ZNF704: variants seen among roughly 807,000 people sequenced by gnomAD.
ZNF704 encodes the protein glucocorticoid induced gene 1.
ZNF704 carries 10 observed loss-of-function variants against 44.7 expected under a neutral mutation model. That is an observed-to-expected ratio of 0.22 (90% CI 0.14 to 0.38). ZNF704 has a LOEUF of 0.38. Among genes scored for constraint, ZNF704 ranks in the 10% least tolerant of loss-of-function variants. The pLI, the probability that ZNF704 is intolerant of heterozygous loss-of-function variation, is 1.00. For missense variants in ZNF704, 390 were observed against 545.5 expected (o/e 0.71, Z 2.84); for synonymous variants, 211 against 207.6 (o/e 1.02, Z -0.14).
chr8:80,771,704 A>C (rs552373910), intron 2 of ZNF704, among the ~76,000 whole-genome samples: 1 of 152,172 alleles, frequency 6.6e-6, no homozygotes, highest in Admixed American at 6.5e-5. Context: ...TCATTTTCTC[A>C]ACTTATTGCA....
intron 2 of ZNF704, among the ~76,000 whole-genome samples, chr8:80,711,271 C>G (rs1403803927): frequency 6.6e-6 from 1 of 152,100 alleles, no homozygotes; most frequent in Non-Finnish European, 1.5e-5. Flanking sequence ...GACAACAGTC[C>G]CAGTGGCAGT....
In ZNF704 at chr8:80,738,280, G is replaced by A. The variant is rs757095544; in HGVS notation, c.222-45173C>T. Among the ~76,000 whole-genome samples the A allele has an allele frequency of 2.6e-5, 4 of 152,060 alleles. No homozygotes were observed. The South Asian group carries it at 6.2e-4, about 24-fold the overall frequency. ...GTCTTCCTTGGAAGCCAGTCACTAC[G>A]TCTAGCCCATACTTAAGGTTCAGGG... On this transcript the variant is annotated intron_variant, in intron 2 of 8. Coordinates refer to ENST00000327835, the MANE Select transcript of ZNF704 (RefSeq NM_001033723.3).
rs188755778 is a variant in ZNF704, at chr8:80,667,082, C to A, written c.660-2000G>T. 5.3e-5 allele frequency among the ~76,000 whole-genome samples: 8 copies of A among 152,276 alleles called. No individual in the cohort carries two copies. In the East Asian group the frequency reaches 1.5e-3, roughly 29 times the overall value. ...TGGAGGAAGTGAGGGAGACACCATG[C>A]TGGCACCCGCAGTGAGAACACACCA... On this transcript the variant is annotated intron_variant, in intron 5 of 8. Transcript: ENST00000327835.
At chr8:80,755,847 T>C (rs1807025321) in intron 2 of ZNF704, among the ~76,000 whole-genome samples, 2 of 152,146 alleles carry the variant, frequency 1.3e-5, no homozygotes, top group Non-Finnish European at 2.9e-5. Context: ...GGCTCACATC[T>C]GTAATTCCAG....
intron 1 of ZNF704, among the ~76,000 whole-genome samples, chr8:80,867,105 C>G (rs1305921750): frequency 6.6e-6 from 1 of 152,126 alleles, no homozygotes; most frequent in Admixed American, 6.5e-5. Flanking sequence ...CAGCACCACA[C>G]CAGGGACTAT....
chr8:80,730,650 ATAGAT>A (rs1021176977), intron 2 of ZNF704, among the ~76,000 whole-genome samples: 11 of 152,038 alleles, frequency 7.2e-5, no homozygotes, highest in Admixed American at 3.9e-4. Context: ...TTTCTAAAAA[ATAGAT>A]TAGATTTTTT....
At chr8:80,695,693 T>C (rs1019704304) in intron 2 of ZNF704, among the ~76,000 whole-genome samples, 10 of 152,240 alleles carry the variant, frequency 6.6e-5, no homozygotes, top group African/African-American at 2.4e-4. Flanking sequence ...TTTTAAAATA[T>C]GACAATCAAT....
chr8:80,845,863 A>G (rs1808759922), intron 1 of ZNF704, among the ~76,000 whole-genome samples: 1 of 152,174 alleles, frequency 6.6e-6, no homozygotes, highest in Non-Finnish European at 1.5e-5. Flanking sequence ...GGGACAGGGA[A>G]GCATATACTT....
chr8:80,687,310 G>T lies in ZNF704; in HGVS notation c.474C>A (p.Arg158=). The change falls in exon 4 of 9, where the codon CGC becomes CGA. Residue 158 remains arginine, a synonymous_variant. Coordinates refer to ENST00000327835, the MANE Select transcript of ZNF704 (RefSeq NM_001033723.3). ...TGCCGTCGTCTGGCTGCGCGGGGCT[G>T]CGGAAGGGCTTGAAGCTGTCAGCCG... ...PLSADSFKPF[R]SPAQPDDGID... is the part of the protein sequence containing the mutation. The T allele has an allele frequency of 6.2e-7, 1 of 1,612,818 alleles. No homozygotes were observed. The highest frequency in any genetic ancestry group is 8.5e-7 in the Non-Finnish European group (1 of 1,179,896).
At chr8:80,761,332 A>T (rs1290784600) in intron 2 of ZNF704, among the ~76,000 whole-genome samples, 1 of 152,212 alleles carries the variant, frequency 6.6e-6, no homozygotes, top group Non-Finnish European at 1.5e-5. Context: ...GAACTAGTAC[A>T]ATTGGTTAAA....
intron 3 of ZNF704, among the ~76,000 whole-genome samples, chr8:80,689,075 GA>G (rs1818589715): frequency 6.7e-6 from 1 of 150,352 alleles, no homozygotes; most frequent in Non-Finnish European, 1.5e-5. Context: ...CTTTTTTTTG[GA>G]TAATTTCTCC....
intron 6 of ZNF704, 30 bp from the exon 7 acceptor site, chr8:80,659,719 A>T (rs1303299724): frequency 6.3e-7 from 1 of 1,598,262 alleles, no homozygotes; most frequent in South Asian, 1.1e-5. Flanking sequence ...GAAAGCTGTT[A>T]TGAAGGAATA....
chr8:80,653,013 C>T (rs1817948298), intron 7 of ZNF704, among the ~76,000 whole-genome samples: 1 of 152,128 alleles, frequency 6.6e-6, no homozygotes, highest in Non-Finnish European at 1.5e-5. Context: ...GCTGGTTCAA[C>T]ATACACAAAT....
chr8:80,733,219 T>TA (rs1478185640), intron 2 of ZNF704, among the ~76,000 whole-genome samples: 1 of 152,182 alleles, frequency 6.6e-6, no homozygotes, highest in Admixed American at 6.5e-5. Flanking sequence ...TAGAACATAT[T>TA]AAACATTTTT....
chr8:80,664,605 G>A (rs964778180), intron 6 of ZNF704, among the ~76,000 whole-genome samples: 5 of 152,170 alleles, frequency 3.3e-5, no homozygotes, highest in Non-Finnish European at 5.9e-5. Flanking sequence ...CTACGGGATC[G>A]AATCCACAGG....
rs376755333 is a variant in ZNF704 at position 80,784,301 on chromosome 8, T to C, written c.221+37073A>G. On this transcript the variant is annotated intron_variant, in intron 2 of 8. Coordinates refer to ENST00000327835, the MANE Select transcript of ZNF704 (RefSeq NM_001033723.3). Reference sequence around the variant, plus strand: ...AACACCAAGGAGTGTGATTACTGAGTTGAGTGATAAGAATATGTTTAGTTT... The same window carrying C: ...AACACCAAGGAGTGTGATTACTGAGCTGAGTGATAAGAATATGTTTAGTTT... 4.6e-4 allele frequency among the ~76,000 whole-genome samples: 70 copies of C among 152,268 alleles called. 1 individual carries two copies. The East Asian group carries it at 0.013, about 27-fold the overall frequency.
intron 7 of ZNF704, among the ~76,000 whole-genome samples, chr8:80,646,043 G>A (rs528669106): frequency 6.6e-6 from 1 of 152,286 alleles, no homozygotes; most frequent in South Asian, 2.1e-4. Context: ...TGATGATGCA[G>A]CATAAAGGCC....
At chr8:80,756,483 T>C (rs907576759) in intron 2 of ZNF704, among the ~76,000 whole-genome samples, 2 of 152,180 alleles carry the variant, frequency 1.3e-5, no homozygotes, top group Non-Finnish European at 2.9e-5. Flanking sequence ...TGTGTTTATG[T>C]GTTTGAAAAT....
intron 8 of ZNF704, 62 bp from the exon 9 acceptor site, chr8:80,641,539 G>C (rs1241472275): frequency 9.7e-7 from 1 of 1,025,894 alleles, no homozygotes; most frequent in Non-Finnish European, 1.4e-6. Context: ...TCTATGGAGA[G>C]CTCAAAAATC....
Sources: allele counts gnomAD v4.1 joint callset (sites outside exome capture counted in the v4.1 genomes callset), GRCh38; gene constraint gnomAD v4.1.1; transcripts MANE v1.5; gene names NCBI Gene and HGNC (gene_info 2026-07-23, HGNC 2026-07-21).